The following CRY1 variants were observed in gnomAD, a reference collection of about 807,000 sequenced individuals.
CRY1 encodes the protein cryptochrome circadian regulator 1, also known as cryptochrome-1.
Under a neutral mutation model 76.0 loss-of-function variants are expected in CRY1, and 45 were observed. That is an observed-to-expected ratio of 0.59 (90% CI 0.47 to 0.76). The LOEUF is 0.76. Ranked by LOEUF, CRY1 falls within the 30% of genes least tolerant of loss-of-function variation. The pLI is 0.00. For synonymous variants in CRY1, 248 were observed against 244.0 expected, an observed-to-expected ratio of 1.02 and a Z score of -0.15; for missense variants, 587 against 716.4, an observed-to-expected ratio of 0.82 and a Z score of 2.06.
chr12:107,072,495 T>C (rs944564716), intron 1 of CRY1, among the ~76,000 whole-genome samples: 11 of 152,156 alleles, frequency 7.2e-5, no homozygotes, highest in Non-Finnish European at 1.3e-4. Context: ...CCAAATTGCT[T>C]TATAGGTGAA....
intron 1 of CRY1, among the ~76,000 whole-genome samples, chr12:107,064,964 G>T (rs893506339): frequency 3.9e-5 from 6 of 152,118 alleles, no homozygotes; most frequent in African/African-American, 1.4e-4. Flanking sequence ...ACAGATAAAT[G>T]GAGATAAAAG....
At chr12:106,994,578 GATTT>G (rs1278905301) in intron 10 of CRY1, among the ~76,000 whole-genome samples, 10 of 152,108 alleles carry the variant, frequency 6.6e-5, no homozygotes, top group African/African-American at 1.2e-4. Context: ...ATAATTTCAA[GATTT>G]ATTAATTCTT....
chr12:107,037,811 C>T (rs146383758), intron 1 of CRY1, among the ~76,000 whole-genome samples: 115 of 152,200 alleles, frequency 7.6e-4, no homozygotes, highest in African/African-American at 2.6e-3. Context: ...TAGGCTTAAA[C>T]GATCCTCCCA....
At chr12:107,028,740 C>T (rs1952643410) in intron 1 of CRY1, among the ~76,000 whole-genome samples, 2 of 152,130 alleles carry the variant, frequency 1.3e-5, no homozygotes. Context: ...AATTTAACAG[C>T]TACAAAACAG....
intron 1 of CRY1, among the ~76,000 whole-genome samples, chr12:107,090,506 A>C (rs1317179179): frequency 2.0e-5 from 3 of 152,220 alleles, no homozygotes; most frequent in Non-Finnish European, 4.4e-5. Context: ...AAACATTAAG[A>C]GTATTCAAGG....
intron 1 of CRY1, chr12:107,049,977 T>C (rs1339366344): frequency 1.3e-5 from 2 of 151,918 alleles, no homozygotes; most frequent in Non-Finnish European, 2.9e-5. Flanking sequence ...CTAATTGCTA[T>C]AAAACTAGAT....
intron 1 of CRY1, among the ~76,000 whole-genome samples, chr12:107,053,250 G>T (rs1952943479): frequency 6.6e-6 from 1 of 151,954 alleles, no homozygotes; most frequent in Non-Finnish European, 1.5e-5. Context: ...ATGAAGTACA[G>T]AGAACCAAAG....
chr12:107,049,541 A>T (rs913117450), intron 1 of CRY1, among the ~76,000 whole-genome samples: 1 of 151,772 alleles, frequency 6.6e-6, no homozygotes, highest in Admixed American at 6.6e-5. Context: ...AACCTGACTA[A>T]TTTTTGTATT....
intron 1 of CRY1, among the ~76,000 whole-genome samples, chr12:107,071,397 A>C (rs924045090): frequency 1.3e-5 from 2 of 152,248 alleles, no homozygotes; most frequent in African/African-American, 4.8e-5. Flanking sequence ...ATATATTTCC[A>C]ATACTGAATT....
rs748901644 is a variant in CRY1 at position 106,998,108 on chromosome 12, T to C, written c.1138-42A>G. The C allele has an allele frequency of 3.1e-6, 5 of 1,605,476 alleles. No individual in the cohort carries two copies. In the African/African-American group the frequency reaches 6.7e-5, roughly 22 times the overall value. On this transcript the variant is annotated intron_variant, in intron 7 of 12. Coordinates refer to ENST00000008527, the MANE Select transcript of CRY1 (RefSeq NM_004075.5). ...AACCAATTAGTTTGCACACACATAA[T>C]TCGCAAAGCAAGCATTTTCAAGGTC...
intron 2 of CRY1, among the ~76,000 whole-genome samples, chr12:107,011,673 A>T (rs1952444997): frequency 6.6e-6 from 1 of 152,106 alleles, no homozygotes; most frequent in Non-Finnish European, 1.5e-5. Flanking sequence ...GAAAGTTGGA[A>T]GCTAGCAGAG....
intron 1 of CRY1, among the ~76,000 whole-genome samples, chr12:107,067,985 A>C (rs1953133144): frequency 6.6e-6 from 1 of 152,200 alleles, no homozygotes; most frequent in Admixed American, 6.5e-5. Context: ...CTTTGTTGCT[A>C]TTATACACAG....
At chr12:107,005,801 A>G (rs1023079734) in intron 2 of CRY1, among the ~76,000 whole-genome samples, 3 of 152,074 alleles carry the variant, frequency 2.0e-5, no homozygotes, top group African/African-American at 7.2e-5. Context: ...TTACTAAAAA[A>G]CGTTAACTGA....
chr12:107,004,174 C>T (rs894817848), intron 3 of CRY1, among the ~76,000 whole-genome samples: 1 of 152,098 alleles, frequency 6.6e-6, no homozygotes, highest in African/African-American at 2.4e-5. Context: ...GTTGCCCCCT[C>T]CTTGCTATGA....
At chr12:107,010,407 A>G (rs564773600) in intron 2 of CRY1, among the ~76,000 whole-genome samples, 1 of 152,220 alleles carries the variant, frequency 6.6e-6, no homozygotes, top group East Asian at 1.9e-4. Context: ...AACTCATTTT[A>G]TTGTGCTTTG....
At chr12:107,066,386 T>C (rs1953111237) in intron 1 of CRY1, among the ~76,000 whole-genome samples, 1 of 152,238 alleles carries the variant, frequency 6.6e-6, no homozygotes, top group Admixed American at 6.5e-5. Context: ...TCTTTAAATG[T>C]ACATAGAGAG....
chr12:106,997,955 C>T lies in CRY1; in HGVS notation c.1249G>A (p.Gly417Ser), dbSNP rs770965692. 1.9e-6 allele frequency: 3 copies of T among 1,613,986 alleles called. No individual in the cohort carries two copies. The highest frequency in any genetic ancestry group is 1.7e-6 in the Non-Finnish European group (2 of 1,179,950). The change falls in exon 8 of 13, where the codon GGT becomes AGT. Residue 417 changes from glycine to serine, a missense_variant. Gly to Ser is a moderately conservative substitution (Grantham distance 56). Transcript: ENST00000008527. The stretch of plus-strand genomic sequence containing the variant: ...TTGGGATCTGTTCTCCTACCAAAAC[C>T]AACAGGGCAATAGCAGTGAAAAAAC... ...QQFFHCYCPV[G>S]FGRRTDPNGD...
intron 3 of CRY1, among the ~76,000 whole-genome samples, chr12:107,003,213 T>A (rs1343125598): frequency 3.3e-5 from 5 of 152,218 alleles, no homozygotes; most frequent in Non-Finnish European, 7.3e-5. Context: ...AATTTAAGTA[T>A]CTTTTTACTT....
intron 1 of CRY1, among the ~76,000 whole-genome samples, chr12:107,038,355 A>C (rs528299032): frequency 1.3e-5 from 2 of 152,342 alleles, no homozygotes; most frequent in African/African-American, 4.8e-5. Context: ...CACTTTGAAT[A>C]AACAGAAGGA....
Sources: allele counts gnomAD v4.1 joint callset (sites outside exome capture counted in the v4.1 genomes callset), GRCh38; gene constraint gnomAD v4.1.1; transcripts MANE v1.5; gene names NCBI Gene and HGNC (gene_info 2026-07-23, HGNC 2026-07-21).